RNF19A: variants seen among roughly 807,000 people sequenced by gnomAD.
RNF19A encodes ring finger protein 19A, RBR E3 ubiquitin protein ligase, also known as E3 ubiquitin-protein ligase RNF19A.
RNF19A carries 32 observed loss-of-function variants against 75.7 expected under a neutral mutation model. That is an observed-to-expected ratio of 0.42 (90% confidence interval 0.32 to 0.57). The LOEUF is 0.57. RNF19A is among the 20% of genes least tolerant of loss of function. RNF19A has a pLI of 0.10. For missense variants in RNF19A, 782 were observed against 1,036.3 expected (o/e 0.75, Z 3.37); for synonymous variants, 335 against 345.2 (o/e 0.97, Z 0.33).
At chr8:100,299,249 T>C (rs1048880805) in intron 1 of RNF19A, among the ~76,000 whole-genome samples, 4 of 152,174 alleles carry the variant, frequency 2.6e-5, no homozygotes, top group Non-Finnish European at 4.4e-5. Flanking sequence ...GATAATAATA[T>C]ACAAATATAT....
Position 100,258,579 on chromosome 8 carries a change from C to A in RNF19A, c.2494G>T (p.Val832Phe), listed in dbSNP as rs1311013998. Residue 832 changes from valine to phenylalanine, a missense_variant, in exon 10 of 10, where the codon GTT (valine) becomes TTT (phenylalanine). Around this residue, in one of 7 missense-constraint regions of RNF19A, gnomAD observed 442 missense variants for 541.6 expected, o/e 0.82. Coordinates refer to ENST00000341084, the MANE Select transcript of RNF19A (RefSeq NM_183419.4). This position sits in a 1 kb window ranked among gnomAD's most constrained non-coding sequence, Gnocchi z 4.3. ...NHSHQTMELKVAIQTEI is the reference protein window; with the variant it reads ...NHSHQTMELKFAIQTEI ...GCCTAAATTTCAGTCTGAATTGCAA[C>A]TTTTAATTCCATTGTCTGATGTGAG... The A allele has an allele frequency of 1.2e-6, 2 of 1,611,488 alleles. No homozygotes were observed. Among genetic ancestry groups the A allele is most frequent in the Non-Finnish European group, 1.7e-6 (2 of 1,178,686 alleles).
intron 7 of RNF19A, among the ~76,000 whole-genome samples, chr8:100,262,246 C>A (rs1401672446): frequency 2.0e-5 from 3 of 152,100 alleles, no homozygotes; most frequent in African/African-American, 7.2e-5. Flanking sequence ...ATTATATACC[C>A]AATCACACGG....
chr8:100,266,594 T>G (rs79851129), intron 5 of RNF19A, among the ~76,000 whole-genome samples: 8,874 of 152,288 alleles, frequency 0.058, 857 homozygotes, highest in African/African-American at 0.2. Context: ...CACTGTAGCC[T>G]CAACCTCACG....
Position 100,275,183 on chromosome 8 carries a change from A to AT in RNF19A, c.675-23dup. The AT allele has an allele frequency of 1.2e-6, 2 of 1,601,296 alleles. No individual in the cohort carries two copies. Among genetic ancestry groups the AT allele is most frequent in the South Asian group, 2.2e-5 (2 of 90,590 alleles). On this transcript the variant is annotated intron_variant, in intron 2 of 9. Transcript: ENST00000341084. The surrounding 1 kb of genome is among the most constrained non-coding windows in gnomAD (Gnocchi z 4.3). ...ATATCTTGAAAGAACAAGAAAAATGATTTAAAATGTGACATAAAACAAGAG... is the reference window on the plus strand; with the variant it reads ...ATATCTTGAAAGAACAAGAAAAATGATTTTAAAATGTGACATAAAACAAGAG...
At position 100,275,224 on chromosome 8, in the gene RNF19A, A is replaced by G; in HGVS notation, c.675-63T>C. Reference sequence around the variant, plus strand: ...AAAACAAGAGATACTCATTTCAAAAAGTATCCAACTAAAGATTATTCCTGA... The same window carrying G: ...AAAACAAGAGATACTCATTTCAAAAGGTATCCAACTAAAGATTATTCCTGA... On this transcript the variant is annotated intron_variant, in intron 2 of 9. Transcript: ENST00000341084. The surrounding 1 kb of genome is among the most constrained non-coding windows in gnomAD (Gnocchi z 4.3). 7.1e-7 allele frequency: 1 copy of G among 1,401,086 alleles called. No homozygotes were observed. The highest frequency in any genetic ancestry group is 1.0e-6 in the Non-Finnish European group (1 of 995,410). The allele number at this position is 1,401,086 out of a possible 1,614,324, so 86.8% of individuals were successfully genotyped here. A position where few individuals can be genotyped will look rare whatever the true frequency, so the allele number is the denominator to read the frequency against.
rs577720744 is a variant in RNF19A, at chr8:100,263,288, G to A, written c.1468+746C>T. Among the ~76,000 whole-genome samples the A allele has an allele frequency of 5.3e-5, 8 of 152,076 alleles. No individual in the cohort carries two copies. In the South Asian group the frequency reaches 1.7e-3, roughly 32 times the overall value. ...TAAGAAGTGGTTTCCCATAAGAAAA[G>A]TGAAGTATTTCAAGAAGGGTAGAGT... On this transcript the variant is annotated intron_variant, in intron 7 of 9. Coordinates refer to ENST00000341084, the MANE Select transcript of RNF19A (RefSeq NM_183419.4).
At chr8:100,314,433 G>T (rs1447234843), upstream of RNF19A, among the ~76,000 whole-genome samples, 1 of 152,108 alleles carries the variant, frequency 6.6e-6, no homozygotes, top group Non-Finnish European at 1.5e-5. This position sits in a 1 kb window ranked among gnomAD's most constrained non-coding sequence, Gnocchi z 4.1. Context: ...TGGCAGAGCT[G>T]GGATTTGGAC....
At chr8:100,289,470 A>G (rs1038624049) in intron 1 of RNF19A, among the ~76,000 whole-genome samples, 20 of 152,218 alleles carry the variant, frequency 1.3e-4, no homozygotes, top group African/African-American at 3.6e-4. Context: ...TTACAAATCA[A>G]TAAGAAAACA....
chr8:100,333,866 G>A lies in RNF19A; in HGVS notation c.-243+2242C>T, dbSNP rs1354856894. Among the ~76,000 whole-genome samples, 2 of 152,022 alleles carry A rather than the reference G, an allele frequency of 1.3e-5. No individual in the cohort carries two copies. The highest frequency in any genetic ancestry group is 4.8e-5 in the African/African-American group (2 of 41,388). ...AAACACATTGTCTATCTTTATTTAC[G>A]ACCCCATAATGACTCCCTGTTCCCT... is the stretch of plus-strand genomic sequence containing the variant. On this transcript the variant is annotated intron_variant, in intron 1 of 3. Transcript: ENST00000519527. This position sits in a 1 kb window ranked among gnomAD's most constrained non-coding sequence, Gnocchi z 4.7.
At position 100,317,467 on chromosome 8, in the gene RNF19A, G is replaced by A. The variant is rs561578696; in HGVS notation, c.-242-4095C>T. Among the ~76,000 whole-genome samples, 28 of 152,252 alleles carry A rather than the reference G, an allele frequency of 1.8e-4. No homozygotes were observed. The East Asian group carries it at 4.8e-3, about 26-fold the overall frequency. On this transcript the variant is annotated intron_variant, in intron 1 of 3. Coordinates refer to the RNF19A transcript ENST00000519527. The surrounding 1 kb of genome is among the most constrained non-coding windows in gnomAD (Gnocchi z 4.3). ...AGGAAATTGTTTCTTCCTCTTCATG[G>A]GACCCATGCAATTACTTAGAATCTT...
In RNF19A at chr8:100,323,493, C is replaced by T. The variant is rs546058962; in HGVS notation, c.-242-10121G>A. Among the ~76,000 whole-genome samples, 3 of 152,328 alleles carry T rather than the reference C, an allele frequency of 2.0e-5. No individual in the cohort carries two copies. The highest frequency in any genetic ancestry group is 2.1e-4 in the South Asian group (1 of 4,828). On this transcript the variant is annotated intron_variant, in intron 1 of 3. Transcript: ENST00000519527. This position sits in a 1 kb window ranked among gnomAD's most constrained non-coding sequence, Gnocchi z 4.6. ...TCACCCTTCTTTTCTGCCATCCATT[C>T]TTAGAATTGTCACATTAACTGCACG...
chr8:100,298,107 G>A (rs1190843560), intron 1 of RNF19A, among the ~76,000 whole-genome samples: 1 of 151,528 alleles, frequency 6.6e-6, no homozygotes, highest in African/African-American at 2.4e-5. Context: ...TCAGTGAAGG[G>A]TATGGTACAT....
At chr8:100,309,623 G>T in intron 1 of RNF19A, 1 of 936,954 alleles carries the variant, frequency 1.1e-6, no homozygotes, top group Non-Finnish European at 1.3e-6. Context: ...CCCGGGAGAC[G>T]CCCGCGCCTG....
At chr8:100,298,198 T>TAAA (rs35748790) in intron 1 of RNF19A, among the ~76,000 whole-genome samples, 4 of 144,438 alleles carry the variant, frequency 2.8e-5, no homozygotes, top group South Asian at 2.2e-4. Flanking sequence ...TGTATTGGGT[T>TAAA]AAAAAAAAAA....
chr8:100,275,024 C>T lies in RNF19A; in HGVS notation c.812G>A (p.Arg271Lys). The change falls in exon 3 of 10, where the codon AGA becomes AAA. Residue 271 changes from arginine to lysine, a missense_variant. By Grantham distance (26) the Arg-to-Lys change is conservative. Transcript: ENST00000341084. This position sits in a 1 kb window ranked among gnomAD's most constrained non-coding sequence, Gnocchi z 4.3. ...AGTTCTCAAACGTAAGCTCTGGGCT[C>T]TCTCTTGTCGAGCAGCATCACAGGT... ...NQTCDAARQE[R>K]AQSLRLRTIR... 6.2e-7 allele frequency: 1 copy of T among 1,614,172 alleles called. No homozygotes were observed. Among genetic ancestry groups the T allele is most frequent in the East Asian group, 2.2e-5 (1 of 44,880 alleles).
chr8:100,268,936 C>T lies in RNF19A; in HGVS notation c.1040G>A (p.Cys347Tyr). ...SDLHYLSPSG[C>Y]TFWGKKPWSR... The stretch of plus-strand genomic sequence containing the variant: ...CCAGGGTTTCTTCCCCCAAAAAGTA[C>T]ATCCTGATGGACTAACGGAAAAAAT... The change falls in exon 5 of 10, where the codon TGT becomes TAT. Residue 347 changes from cysteine to tyrosine, a missense_variant. By Grantham distance (194) the Cys-to-Tyr change is radical (BLOSUM62 -2). Coordinates refer to ENST00000341084, the MANE Select transcript of RNF19A (RefSeq NM_183419.4). 6.3e-7 allele frequency: 1 copy of T among 1,584,154 alleles called. No homozygotes were observed. The highest frequency in any genetic ancestry group is 8.6e-7 in the Non-Finnish European group (1 of 1,163,404).
chr8:100,298,414 A>G (rs750150459), intron 1 of RNF19A, among the ~76,000 whole-genome samples: 1 of 152,226 alleles, frequency 6.6e-6, no homozygotes, highest in Non-Finnish European at 1.5e-5. Context: ...TTTTTAATTC[A>G]ACTACTTATA....
chr8:100,268,350 CA>C (rs893963424), intron 5 of RNF19A, among the ~76,000 whole-genome samples: 3 of 149,050 alleles, frequency 2.0e-5, no homozygotes, highest in African/African-American at 4.9e-5. Flanking sequence ...AGCAGTAATC[CA>C]AAAAAAAAGC....
chr8:100,285,808 T>C (rs1002352855), intron 2 of RNF19A, among the ~76,000 whole-genome samples: 8 of 152,076 alleles, frequency 5.3e-5, no homozygotes, highest in African/African-American at 1.9e-4. Flanking sequence ...GTAGATTTTT[T>C]TTAAGCTATT....
Sources: gnomAD v4.1 joint callset for allele counts (sites outside exome capture counted in the v4.1 genomes callset) on GRCh38, gnomAD v4.1.1 for gene constraint, gnomAD v4.1.1 regional missense constraint, Gnocchi (gnomAD v3.1) non-coding constraint, MANE v1.5 for transcripts, NCBI Gene and HGNC (gene_info 2026-07-23, HGNC 2026-07-21) for gene names.